Variants in MCC observed in about 807,000 individuals in gnomAD.
MCC encodes the protein colorectal mutant cancer protein.
MCC carries 90 observed loss-of-function variants against 116.2 expected under a neutral mutation model. The observed-to-expected ratio is 0.77, with a 90% CI of 0.65 to 0.92. The LOEUF (loss-of-function observed/expected upper bound fraction) is 0.92. MCC is among the 40% of genes least tolerant of loss of function. The pLI is 0.00. For synonymous variants in MCC, 578 were observed against 510.5 expected (o/e 1.13, Z -1.78); for missense variants, 1,516 against 1,312.2 (o/e 1.16, Z -2.40).
At chr5:113,110,942 C>T (rs535861999) in intron 6 of MCC, among the ~76,000 whole-genome samples, 59 of 152,328 alleles carry the variant, frequency 3.9e-4, no homozygotes, top group Non-Finnish European at 7.1e-4. Context: ...AGGGGCCAGC[C>T]GCAGACCCCA....
At chr5:113,280,589 G>C (rs1401243627) in intron 3 of MCC, among the ~76,000 whole-genome samples, 1 of 152,108 alleles carries the variant, frequency 6.6e-6, no homozygotes, top group Admixed American at 6.6e-5. Flanking sequence ...AGTTGAGAAA[G>C]GCCTTCCAGA....
At chr5:113,180,067 A>G (rs1406937935) in intron 3 of MCC, among the ~76,000 whole-genome samples, 1 of 152,202 alleles carries the variant, frequency 6.6e-6, no homozygotes, top group African/African-American at 2.4e-5. Context: ...TGGAGAATGA[A>G]TACAGTGGCC....
At chr5:113,426,970 T>C (rs1770501822) in intron 1 of MCC, among the ~76,000 whole-genome samples, 1 of 152,146 alleles carries the variant, frequency 6.6e-6, no homozygotes, top group Non-Finnish European at 1.5e-5. Context: ...CAAAATAGCC[T>C]TTGAGGACTC....
chr5:113,257,108 C>T (rs1765036875), intron 3 of MCC, among the ~76,000 whole-genome samples: 1 of 152,112 alleles, frequency 6.6e-6, no homozygotes, highest in Admixed American at 6.6e-5. Context: ...TGAAGATTAG[C>T]AGAAGTTTGT....
intron 3 of MCC, among the ~76,000 whole-genome samples, chr5:113,299,962 T>C (rs1445015435): frequency 1.3e-5 from 2 of 152,200 alleles, no homozygotes; most frequent in South Asian, 2.1e-4. Context: ...AGCAGCAGTC[T>C]TGGGAACATT....
chr5:113,345,832 A>G (rs1328322721), intron 2 of MCC, among the ~76,000 whole-genome samples: 1 of 152,206 alleles, frequency 6.6e-6, no homozygotes, highest in East Asian at 1.9e-4. Flanking sequence ...ACTGAATAAC[A>G]TCTACAAGCA....
intron 3 of MCC, among the ~76,000 whole-genome samples, chr5:113,195,909 A>G (rs1191546809): frequency 6.6e-6 from 1 of 152,116 alleles, no homozygotes; most frequent in African/African-American, 2.4e-5. Flanking sequence ...ATGGTGGTCA[A>G]GTCACAGCTG....
chr5:113,389,608 CTT>C (rs1769355875), intron 1 of MCC, among the ~76,000 whole-genome samples: 1 of 152,106 alleles, frequency 6.6e-6, no homozygotes, highest in Non-Finnish European at 1.5e-5. Context: ...TTCTTTCTCT[CTT>C]TCTCTTTTTA....
rs147427484 is a variant in MCC at position 113,071,208 on chromosome 5, T to A, written c.1811A>T (p.Asn604Ile). The A allele has an allele frequency of 6.8e-6, 11 of 1,613,978 alleles. No homozygotes were observed. The highest frequency in any genetic ancestry group is 1.3e-5 in the African/African-American group (1 of 74,914). The change falls in exon 12 of 19, where the codon AAT (asparagine) becomes ATT (isoleucine). Residue 604 changes from asparagine to isoleucine, a missense_variant. Asn to Ile is a moderately radical substitution (Grantham distance 149). Coordinates refer to ENST00000408903, the MANE Select transcript of MCC (RefSeq NM_001085377.2). ...NSRIEHLKSQ[N>I]DLLTITLEEC... is the part of the protein sequence containing the mutation. The stretch of plus-strand genomic sequence containing the variant: ...CTCCAAGGTTATGGTCAGGAGGTCA[T>A]TTTGGGATTTGAGGTGCTCAATCCG...
chr5:113,367,203 T>A (rs1218720497), intron 2 of MCC, among the ~76,000 whole-genome samples: 1 of 152,176 alleles, frequency 6.6e-6, no homozygotes, highest in Non-Finnish European at 1.5e-5. Context: ...ATAATGAATA[T>A]GCAAATTATT....
At chr5:113,293,819 ATC>A (rs1298402024) in intron 3 of MCC, among the ~76,000 whole-genome samples, 1 of 152,110 alleles carries the variant, frequency 6.6e-6, no homozygotes, top group Non-Finnish European at 1.5e-5. Context: ...CGGGTCATTC[ATC>A]TCAGCCTAGG....
intron 3 of MCC, among the ~76,000 whole-genome samples, chr5:113,226,249 T>C (rs1763732353): frequency 6.6e-6 from 1 of 152,228 alleles, no homozygotes; most frequent in Non-Finnish European, 1.5e-5. Context: ...AAAAGTTTTA[T>C]TGGGATAAAT....
chr5:113,032,949 A>C (rs1751060843), intron 17 of MCC, among the ~76,000 whole-genome samples: 1 of 152,204 alleles, frequency 6.6e-6, no homozygotes, highest in Non-Finnish European at 1.5e-5. Flanking sequence ...GGTATGAATA[A>C]TCCACCCTTT....
At chr5:113,294,245 G>A (rs1304294959) in intron 3 of MCC, 3 of 1,565,762 alleles carry the variant, frequency 1.9e-6, no homozygotes, top group South Asian at 1.1e-5. Context: ...AGGGTGTAGG[G>A]CTGTGGGGAG....
At chr5:113,142,134 T>G (rs1310414457) in intron 5 of MCC, among the ~76,000 whole-genome samples, 7 of 147,096 alleles carry the variant, frequency 4.8e-5, no homozygotes, top group South Asian at 4.3e-4. Context: ...CAGATGCCCA[T>G]TAGTAGCCTC....
intron 3 of MCC, among the ~76,000 whole-genome samples, chr5:113,188,933 T>C (rs572284993): frequency 1.3e-5 from 2 of 152,202 alleles, no homozygotes; most frequent in African/African-American, 2.4e-5. Context: ...AAATGAGAAA[T>C]GGATACTAAG....
At chr5:113,257,572 T>A (rs969943574) in intron 3 of MCC, among the ~76,000 whole-genome samples, 2 of 151,924 alleles carry the variant, frequency 1.3e-5, no homozygotes, top group Non-Finnish European at 2.9e-5. Flanking sequence ...GAGAAGTGGG[T>A]TGAGAAGGGA....
chr5:113,467,922 A>C (rs1771962365), intron 1 of MCC, among the ~76,000 whole-genome samples: 1 of 152,090 alleles, frequency 6.6e-6, no homozygotes, highest in East Asian at 1.9e-4. Context: ...TTGGATTCCT[A>C]GGTATTTTAT....
chr5:113,169,434 C>T (rs528168553), intron 3 of MCC, among the ~76,000 whole-genome samples: 26 of 152,262 alleles, frequency 1.7e-4, no homozygotes, highest in African/African-American at 5.5e-4. Context: ...TGCCACCCCA[C>T]ACCCTATAAC....
Sources: allele counts gnomAD v4.1 joint callset (sites outside exome capture counted in the v4.1 genomes callset), GRCh38; gene constraint gnomAD v4.1.1; transcripts MANE v1.5; gene names NCBI Gene and HGNC (gene_info 2026-07-23, HGNC 2026-07-21).